Variants in MINPP1 observed in about 807,000 individuals in gnomAD.
MINPP1 encodes the protein multiple inositol-polyphosphate phosphatase 1.
MINPP1 carries 28 observed loss-of-function variants against 46.1 expected under a neutral mutation model. The observed-to-expected ratio is 0.61, with a 90% confidence interval of 0.45 to 0.83. MINPP1 has a LOEUF of 0.83. Ranked by LOEUF, MINPP1 falls within the 40% of genes least tolerant of loss-of-function variation. The pLI is 0.00. For missense variants in MINPP1, 603 were observed against 610.0 expected (o/e 0.99, Z 0.12); for synonymous variants, 268 against 249.1 (o/e 1.08, Z -0.72).
chr10:87,507,850 CAGT>C (rs1266066822), intron 1 of MINPP1: 1 of 1,058,592 alleles, frequency 9.4e-7, no homozygotes, highest in Non-Finnish European at 1.1e-6. Context: ...GTGCTGCTGT[CAGT>C]AGTTTTTGTC....
intron 4 of MINPP1, among the ~76,000 whole-genome samples, chr10:87,545,870 C>A (rs543352905): frequency 9.2e-5 from 14 of 152,180 alleles, no homozygotes; most frequent in Non-Finnish European, 1.6e-4. Context: ...TATTCTCTTT[C>A]TTCTAAGCAA....
intron 4 of MINPP1, among the ~76,000 whole-genome samples, chr10:87,523,300 G>T (rs1490031453): frequency 1.3e-5 from 2 of 151,948 alleles, no homozygotes; most frequent in Admixed American, 1.3e-4. Context: ...GACAGCTATA[G>T]CCTTATGACA....
chr10:87,526,497 C>T (rs1000417624), intron 4 of MINPP1, among the ~76,000 whole-genome samples: 16 of 152,110 alleles, frequency 1.1e-4, no homozygotes, highest in African/African-American at 3.6e-4. Context: ...CTGTAGGTTG[C>T]CTGTTCACTC....
At chr10:87,537,682 C>G (rs1422898493) in intron 4 of MINPP1, among the ~76,000 whole-genome samples, 1 of 152,014 alleles carries the variant, frequency 6.6e-6, no homozygotes, top group Non-Finnish European at 1.5e-5. Context: ...GCATTTCACC[C>G]TGAGTATTTA....
intron 4 of MINPP1, among the ~76,000 whole-genome samples, chr10:87,549,264 A>C (rs1851929867): frequency 6.6e-6 from 1 of 152,202 alleles, no homozygotes; most frequent in Non-Finnish European, 1.5e-5. Context: ...GCTTGAATGC[A>C]ATTAATAGAA....
chr10:87,518,275 T>C (rs1215645748), intron 3 of MINPP1, among the ~76,000 whole-genome samples: 8 of 151,690 alleles, frequency 5.3e-5, no homozygotes, highest in Non-Finnish European at 1.0e-4. Flanking sequence ...TTTTTTTAAA[T>C]ATAAAGTTTT....
At chr10:87,538,677 AT>A (rs1851772247) in intron 4 of MINPP1, among the ~76,000 whole-genome samples, 1 of 152,074 alleles carries the variant, frequency 6.6e-6, no homozygotes, top group African/African-American at 2.4e-5. Flanking sequence ...TTAACAACAA[AT>A]TTTTTTCTGG....
At chr10:87,538,469 G>A (rs1564681153) in intron 4 of MINPP1, among the ~76,000 whole-genome samples, 1 of 152,146 alleles carries the variant, frequency 6.6e-6, no homozygotes, top group African/African-American at 2.4e-5. Flanking sequence ...CAGCTTTCTG[G>A]TACTTTAAGG....
rs1354678388 is a variant in MINPP1, at chr10:87,552,849, TGAACTGTCTAG to T, written c.*377_*387del. 7.6e-6 allele frequency: 2 copies of T among 264,676 alleles called. No homozygotes were observed. Among genetic ancestry groups the T allele is most frequent in the African/African-American group, 4.5e-5 (2 of 43,998 alleles). The allele number at this position is 264,676 out of a possible 1,614,324, so 16.4% of individuals were successfully genotyped here. On this transcript the variant is annotated 3_prime_UTR_variant, in exon 5 of 5. Transcript: ENST00000371996. ...TCAGTTGGACCATCCTTAACTTGATTGAACTGTCTAGGAACTTTACAGATTGTTCTGCAGTT... is the reference window on the plus strand; with the variant it reads ...TCAGTTGGACCATCCTTAACTTGATTGAACTTTACAGATTGTTCTGCAGTT...
intron 3 of MINPP1, among the ~76,000 whole-genome samples, chr10:87,515,875 C>T (rs1851407014): frequency 7.6e-6 from 1 of 132,390 alleles, no homozygotes; most frequent in African/African-American, 2.9e-5. Flanking sequence ...GTCGCCCAGG[C>T]TGGAGTGCAG....
rs377515665 is a variant in MINPP1 at position 87,528,528 on chromosome 10, T to A, written c.1067+7359T>A. On this transcript the variant is annotated intron_variant, in intron 4 of 4. Coordinates refer to ENST00000371996, the MANE Select transcript of MINPP1 (RefSeq NM_004897.5). ...ATGTAGTTGAGCGGTTTTGAGTGAG[T>A]TTCTTAATCCTGAGTTCTAGTTTGA... Among the ~76,000 whole-genome samples, 6 of 152,188 alleles carry A rather than the reference T, an allele frequency of 3.9e-5. No homozygotes were observed. In the East Asian group the frequency reaches 5.8e-4, roughly 15 times the overall value.
At chr10:87,520,184 A>G (rs182928721) in intron 3 of MINPP1, among the ~76,000 whole-genome samples, 18 of 152,202 alleles carry the variant, frequency 1.2e-4, no homozygotes, top group Admixed American at 5.2e-4. Context: ...TCTATAATAT[A>G]GAACTTTTTG....
rs1319406202 is a variant in MINPP1 at position 87,516,580 on chromosome 10, T to C, written c.933+3359T>C. 2.9e-5 allele frequency among the ~76,000 whole-genome samples: 3 copies of C among 104,958 alleles called. 1 individual carries two copies. The highest frequency in any genetic ancestry group is 7.5e-5 in the Non-Finnish European group (3 of 40,082). 68.9% of individuals were successfully genotyped at this position (104,958 alleles called of 152,430 possible). ...AGTCAAACCATCATAAGTTGCAGAC[T>C]GCCCATGAAAGGTGTAGTGGGGCAC... On this transcript the variant is annotated intron_variant, in intron 3 of 4. Transcript: ENST00000371996.
intron 4 of MINPP1, among the ~76,000 whole-genome samples, chr10:87,551,845 T>G (rs186442829): frequency 2.6e-5 from 4 of 152,272 alleles, no homozygotes; most frequent in Admixed American, 2.6e-4. Context: ...TGCACACTTA[T>G]ATGGATTTAC....
intron 4 of MINPP1, among the ~76,000 whole-genome samples, chr10:87,540,519 A>T (rs1851800561): frequency 6.6e-6 from 1 of 151,586 alleles, no homozygotes; most frequent in Non-Finnish European, 1.5e-5. Flanking sequence ...ACACACACAC[A>T]CACACACTTT....
At position 87,552,501 on chromosome 10, in the gene MINPP1, T is replaced by C; in HGVS notation, c.*23T>C. On this transcript the variant is annotated 3_prime_UTR_variant, in exon 5 of 5. Transcript: ENST00000371996. Reference sequence around the variant, plus strand: ...TGAGTAACTGAAGAACATTTTTAATTCTTTAGGAATCTGCAATGAGTGATT... The same window carrying C: ...TGAGTAACTGAAGAACATTTTTAATCCTTTAGGAATCTGCAATGAGTGATT... 2 of 1,606,940 alleles carry C rather than the reference T, an allele frequency of 1.2e-6. No homozygotes were observed. The highest frequency in any genetic ancestry group is 1.1e-5 in the South Asian group (1 of 90,936).
At chr10:87,513,000 C>A in intron 2 of MINPP1, 124 bp from the exon 3 acceptor site, 1 of 728,864 alleles carries the variant, frequency 1.4e-6, no homozygotes, top group Non-Finnish European at 2.5e-6. Context: ...TAAATTATTT[C>A]TTCCCCAAAC....
chr10:87,544,463 G>T (rs1320179193), intron 4 of MINPP1, among the ~76,000 whole-genome samples: 1 of 152,120 alleles, frequency 6.6e-6, no homozygotes, highest in Non-Finnish European at 1.5e-5. Flanking sequence ...TTGACCTTCA[G>T]CCCCTCTTGC....
chr10:87,531,435 G>A lies in MINPP1; in HGVS notation c.1067+10266G>A, dbSNP rs557220102. 2.0e-5 allele frequency among the ~76,000 whole-genome samples: 3 copies of A among 152,300 alleles called. No homozygotes were observed. The South Asian group carries it at 6.2e-4, about 32-fold the overall frequency. On this transcript the variant is annotated intron_variant, in intron 4 of 4. Coordinates refer to ENST00000371996, the MANE Select transcript of MINPP1 (RefSeq NM_004897.5). Reference sequence around the variant, plus strand: ...CATTTTTGGTAGCTAGTAGCTGATGGTATTTTAATAAACTGAGAAGCTAAT... The same window carrying A: ...CATTTTTGGTAGCTAGTAGCTGATGATATTTTAATAAACTGAGAAGCTAAT...
Sources: allele counts gnomAD v4.1 joint callset (sites outside exome capture counted in the v4.1 genomes callset), GRCh38; gene constraint gnomAD v4.1.1; transcripts MANE v1.5; gene names NCBI Gene and HGNC (gene_info 2026-07-23, HGNC 2026-07-21).